Variants in PPP6R2 observed in about 807,000 individuals in gnomAD.
The protein encoded by PPP6R2 is serine/threonine-protein phosphatase 6 regulatory subunit 2.
A neutral mutation model predicts 100.2 loss-of-function variants in PPP6R2; 62 were observed. That is an observed-to-expected ratio of 0.62 (90% CI 0.50 to 0.76). PPP6R2 has a LOEUF of 0.76. Among genes scored for constraint, PPP6R2 ranks in the 30% least tolerant of loss-of-function variants. The pLI, the probability that PPP6R2 is intolerant of heterozygous loss-of-function variation, is 0.00. For missense variants in PPP6R2, 1,142 were observed against 1,276.3 expected (o/e 0.89, Z 1.60); for synonymous variants, 525 against 514.7 (o/e 1.02, Z -0.27).
rs780346897 is a variant in PPP6R2 at position 50,406,747 on chromosome 22, C to G, written c.286C>G (p.Leu96Val). 3 of 1,614,106 alleles carry G rather than the reference C, an allele frequency of 1.9e-6. No homozygotes were observed. Among genetic ancestry groups the G allele is most frequent in the African/African-American group, 2.7e-5 (2 of 75,028 alleles). Residue 96 changes from leucine to valine, a missense_variant, in exon 4 of 24, where the codon CTC becomes GTC. Around this residue, in one of 2 missense-constraint regions of PPP6R2, gnomAD observed 592 missense variants for 758.9 expected, o/e 0.78. Transcript: ENST00000612753. ...TCDVPQISDRLGGDESLLSLL... is the reference protein window; with the variant it reads ...TCDVPQISDRVGGDESLLSLL... ...TGATGTGCCGCAGATCAGCGACCGC[C>G]TCGGTGGGGACGAGAGCCTGCTGAG...
chr22:50,442,756 G>A (rs1603426259), intron 22 of PPP6R2, among the ~76,000 whole-genome samples: 3 of 151,802 alleles, frequency 2.0e-5, no homozygotes, highest in Admixed American at 2.0e-4. Flanking sequence ...GTTTCACTGT[G>A]TTAGCCAGTA....
the PPP6R2 span, among the ~76,000 whole-genome samples, chr22:50,337,317 CAT>C: frequency 6.5e-5 from 6 of 92,396 alleles, no homozygotes; most frequent in African/African-American, 2.7e-4. Flanking sequence ...TGTGCGCCTG[CAT>C]GTGTGTGTGG....
chr22:50,441,143 C>A, intron 22 of PPP6R2, 117 bp downstream of exon 22: 1 of 924,672 alleles, frequency 1.1e-6, no homozygotes, highest in Non-Finnish European at 1.6e-6. Flanking sequence ...GTCTTCTCCA[C>A]ACTGCCTCCC....
At chr22:50,427,686 G>C (rs1237915716) in intron 10 of PPP6R2, among the ~76,000 whole-genome samples, 1 of 151,588 alleles carries the variant, frequency 6.6e-6, no homozygotes, top group Non-Finnish European at 1.5e-5. Context: ...ATGAGTACCT[G>C]GGATTACAGG....
At chr22:50,427,523 A>G (rs2062370405) in intron 10 of PPP6R2, among the ~76,000 whole-genome samples, 1 of 152,166 alleles carries the variant, frequency 6.6e-6, no homozygotes, top group African/African-American at 2.4e-5. Context: ...TCTTCAATCC[A>G]TGAACACAGA....
chr22:50,432,453 G>A (rs537137484), intron 12 of PPP6R2, 124 bp downstream of exon 12: 40 of 923,562 alleles, frequency 4.3e-5, no homozygotes, highest in Admixed American at 8.7e-5. Context: ...TAGGGTGTGC[G>A]ACGTGGCTCC....
chr22:50,401,885 T>G (rs894932146), intron 3 of PPP6R2, among the ~76,000 whole-genome samples: 17 of 151,102 alleles, frequency 1.1e-4, no homozygotes, highest in African/African-American at 3.7e-4. Flanking sequence ...CCGCCCGCCT[T>G]GTTCTCCCAG....
chr22:50,435,450 C>T (rs1458437774), intron 13 of PPP6R2, among the ~76,000 whole-genome samples: 1 of 152,238 alleles, frequency 6.6e-6, no homozygotes, highest in African/African-American at 2.4e-5. Flanking sequence ...GTGTGCTCTG[C>T]ACTCAGGTGA....
intron 2 of PPP6R2, among the ~76,000 whole-genome samples, chr22:50,388,522 GTC>G (rs2054739115): frequency 6.6e-6 from 1 of 152,056 alleles, no homozygotes; most frequent in South Asian, 2.1e-4. Context: ...CTGTGTTCAG[GTC>G]TCTGCACTCC....
At chr22:50,367,462 C>G (rs751072481) in intron 1 of PPP6R2, among the ~76,000 whole-genome samples, 2 of 151,830 alleles carry the variant, frequency 1.3e-5, no homozygotes, top group Admixed American at 1.3e-4. Context: ...GTGATGTTGC[C>G]GGGGGAGCAG....
chr22:50,405,655 G>A, intron 3 of PPP6R2, among the ~76,000 whole-genome samples: 1 of 78,260 alleles, frequency 1.3e-5, no homozygotes, highest in African/African-American at 4.9e-5. Context: ...CCTGGAGAGA[G>A]GTGAGAGGCC....
chr22:50,415,973 T>C lies in PPP6R2; in HGVS notation c.553-119T>C, dbSNP rs550359672. The C allele has an allele frequency of 3.0e-5, 26 of 867,326 alleles. 1 individual carries two copies. In the Admixed American group the frequency reaches 3.5e-4, roughly 12 times the overall value. 53.7% of individuals were successfully genotyped at this position (867,326 alleles called of 1,614,324 possible). A position where few individuals can be genotyped will look rare whatever the true frequency, so the allele number is the denominator to read the frequency against. ...GTGTGTTCTTTCTGGGTCTGGGGTG[T>C]GTCAGGCAAAGAGTCTATATTCTAG... On this transcript the variant is annotated intron_variant, in intron 5 of 23. Coordinates refer to ENST00000612753, the MANE Select transcript of PPP6R2 (RefSeq NM_001242898.2).
At chr22:50,439,607 T>C in intron 19 of PPP6R2, 94 bp from the exon 20 acceptor site, 1 of 1,377,052 alleles carries the variant, frequency 7.3e-7, no homozygotes, top group Non-Finnish European at 9.6e-7. Flanking sequence ...CCTGTCAACC[T>C]CTGAGGGGCT....
At chr22:50,399,303 G>T (rs2149009602) in intron 3 of PPP6R2, among the ~76,000 whole-genome samples, 1 of 152,370 alleles carries the variant, frequency 6.6e-6, no homozygotes, top group South Asian at 2.1e-4. Context: ...AGGCTTTGCA[G>T]GTTGTAAGGT....
intron 2 of PPP6R2, among the ~76,000 whole-genome samples, 198 bp downstream of exon 2, chr22:50,372,348 G>A (rs543508741): frequency 9.9e-5 from 15 of 152,014 alleles, no homozygotes; most frequent in Non-Finnish European, 1.6e-4. Context: ...TCAGGAGTTC[G>A]AGACCAGCCT....
At chr22:50,339,369 G>A (rs2042342597), upstream of PPP6R2, among the ~76,000 whole-genome samples, 1 of 88,556 alleles carries the variant, frequency 1.1e-5, no homozygotes, top group African/African-American at 4.4e-5. Context: ...GGTGTGTGTG[G>A]CTTGCGTGTG....
intron 1 of PPP6R2, among the ~76,000 whole-genome samples, chr22:50,352,358 C>T (rs183697555): frequency 2.7e-3 from 406 of 152,204 alleles, no homozygotes; most frequent in African/African-American, 9.2e-3. Flanking sequence ...CTCTGTCATC[C>T]TTTGTAGAAC....
At chr22:50,369,290 T>C (rs1233922650) in intron 1 of PPP6R2, among the ~76,000 whole-genome samples, 7 of 143,320 alleles carry the variant, frequency 4.9e-5, no homozygotes, top group Non-Finnish European at 8.9e-5. Context: ...TATAAAGTTT[T>C]AGAAAAGTGG....
At chr22:50,367,296 GGAA>G (rs1489018488) in intron 1 of PPP6R2, among the ~76,000 whole-genome samples, 1 of 152,070 alleles carries the variant, frequency 6.6e-6, no homozygotes, top group African/African-American at 2.4e-5. Flanking sequence ...AGTAGGGCTT[GGAA>G]GAAGTTTCCC....
Sources: gnomAD v4.1 joint callset for allele counts (sites outside exome capture counted in the v4.1 genomes callset) on GRCh38, gnomAD v4.1.1 for gene constraint, gnomAD v4.1.1 regional missense constraint, MANE v1.5 for transcripts, NCBI Gene and HGNC (gene_info 2026-07-23, HGNC 2026-07-21) for gene names.